Variants in AURKB observed in about 807,000 individuals in gnomAD.
The protein encoded by AURKB is aurora kinase B, also known as aurora kinase B-Sv1.
AURKB carries 28 observed loss-of-function variants against 36.5 expected under a neutral mutation model. That is an observed-to-expected ratio of 0.77 (90% CI 0.57 to 1.05). AURKB has a LOEUF of 1.05. Among genes scored for constraint, AURKB ranks in the 50% least tolerant of loss-of-function variants. The pLI is 0.00. For synonymous variants in AURKB, 175 were observed against 172.9 expected (o/e 1.01, Z -0.09); for missense variants, 383 against 447.4 (o/e 0.86, Z 1.30).
In AURKB at chr17:8,206,983, G is replaced by C; in HGVS notation, c.399-95C>G. 6.4e-7 allele frequency: 1 copy of C among 1,574,664 alleles called. No homozygotes were observed. Among genetic ancestry groups the C allele is most frequent in the African/African-American group, 1.3e-5 (1 of 74,190 alleles). On this transcript the variant is annotated intron_variant, in intron 5 of 8. Coordinates refer to ENST00000585124, the MANE Select transcript of AURKB (RefSeq NM_004217.4). This position sits in a 1 kb window ranked among gnomAD's most constrained non-coding sequence, Gnocchi z 4.2. ...CTGGGGTCAGACGTGGCCCAGGCCG[G>C]GGACACCAGGGCTGGGAGTGGTAAG... is the stretch of plus-strand genomic sequence containing the variant.
chr17:8,204,827 C>G lies in AURKB; in HGVS notation c.*44G>C. On this transcript the variant is annotated 3_prime_UTR_variant, in exon 9 of 9. Coordinates refer to ENST00000585124, the MANE Select transcript of AURKB (RefSeq NM_004217.4). ...GGATCCCTTCTTTCCCCTATACATA[C>G]ACAGACATACAAACACACGCACCCG... The G allele has an allele frequency of 6.2e-7, 1 of 1,605,916 alleles. No homozygotes were observed. Among genetic ancestry groups the G allele is most frequent in the East Asian group, 2.2e-5 (1 of 44,832 alleles).
Position 8,206,440 on chromosome 17 carries a change from G to A in AURKB, c.686+51C>T, listed in dbSNP as rs1176402239. The A allele has an allele frequency of 6.2e-7, 1 of 1,610,094 alleles. No individual in the cohort carries two copies. Among genetic ancestry groups the A allele is most frequent in the South Asian group, 1.1e-5 (1 of 90,830 alleles). ...GCCACGGTGCACGGCCCCTGGAGAG[G>A]TTTTAATGGCCCAGCCTCACACCCA... is the stretch of plus-strand genomic sequence containing the variant. On this transcript the variant is annotated intron_variant, in intron 7 of 8. Transcript: ENST00000585124. This position sits in a 1 kb window ranked among gnomAD's most constrained non-coding sequence, Gnocchi z 4.2.
rs118091510 is a variant in AURKB, at chr17:8,210,467, C to T, written c.-26+63G>A. On this transcript the variant is annotated intron_variant, in intron 1 of 8. Coordinates refer to ENST00000585124, the MANE Select transcript of AURKB (RefSeq NM_004217.4). ...TGCGCGCAGGCCAGCCCAACGGACC[C>T]TCTGATCTACCTGATCATCTGCCCA... The T allele has an allele frequency of 0.023, 12,557 of 547,484 alleles. 199 individuals carry two copies. Among genetic ancestry groups the T allele is most frequent in the Non-Finnish European group, 0.031 (9,852 of 312,920 alleles). 33.9% of individuals were successfully genotyped at this position (547,484 alleles called of 1,614,324 possible).
chr17:8,206,982 GGGGACA>G lies in AURKB; in HGVS notation c.399-100_399-95del. 6.4e-7 allele frequency: 1 copy of G among 1,567,650 alleles called. No individual in the cohort carries two copies. The highest frequency in any genetic ancestry group is 8.7e-7 in the Non-Finnish European group (1 of 1,153,858). ...ACTGGGGTCAGACGTGGCCCAGGCCGGGGACACCAGGGCTGGGAGTGGTAAGGGGAA... is the reference window on the plus strand; with the variant it reads ...ACTGGGGTCAGACGTGGCCCAGGCCGCCAGGGCTGGGAGTGGTAAGGGGAA... On this transcript the variant is annotated intron_variant, in intron 5 of 8. Transcript: ENST00000585124. The surrounding 1 kb of genome is among the most constrained non-coding windows in gnomAD (Gnocchi z 4.2).
At chr17:8,209,616 G>A (rs1985842000) in intron 2 of AURKB, among the ~76,000 whole-genome samples, 1 of 152,142 alleles carries the variant, frequency 6.6e-6, no homozygotes, top group African/African-American at 2.4e-5. Context: ...TCCAGAAATA[G>A]ACCCACATAT....
intron 2 of AURKB, 129 bp from the exon 3 acceptor site, chr17:8,207,969 C>T: frequency 1.4e-6 from 1 of 703,638 alleles, no homozygotes; most frequent in Non-Finnish European, 2.3e-6. Context: ...CAAAGAGAAA[C>T]ACTGATGTGA....
rs747993479 is a variant in AURKB, at chr17:8,206,932, G to A, written c.399-44C>T. The A allele has an allele frequency of 6.2e-6, 10 of 1,613,084 alleles. No individual in the cohort carries two copies. In the Admixed American group the frequency reaches 1.2e-4, roughly 19 times the overall value. On this transcript the variant is annotated intron_variant, in intron 5 of 8. Transcript: ENST00000585124. The surrounding 1 kb of genome is among the most constrained non-coding windows in gnomAD (Gnocchi z 4.2). ...GAGGCCTCAGGCCAAAGGCATAAAAGAGCTGGAAAAGATGATAGGAGCAAA... is the reference window on the plus strand; with the variant it reads ...GAGGCCTCAGGCCAAAGGCATAAAAAAGCTGGAAAAGATGATAGGAGCAAA...
chr17:8,207,107 G>C, intron 5 of AURKB, 69 bp downstream of exon 5: 1 of 1,543,142 alleles, frequency 6.5e-7, no homozygotes, highest in Non-Finnish European at 8.8e-7. Flanking sequence ...TCTGGATGAA[G>C]TGGGGCTGAA....
At position 8,207,450 on chromosome 17, in the gene AURKB, C is replaced by A. The variant is rs1985480981; in HGVS notation, c.207-83G>T. 29 of 1,556,480 alleles carry A rather than the reference C, an allele frequency of 1.9e-5. No homozygotes were observed. In the South Asian group the frequency reaches 3.3e-4, roughly 18 times the overall value. ...CTTTCTCTCTGCTTCCTCATCCCATCCTGTCCTCCGCCCCACTTGTCTTCA... is the reference window on the plus strand; with the variant it reads ...CTTTCTCTCTGCTTCCTCATCCCATACTGTCCTCCGCCCCACTTGTCTTCA... On this transcript the variant is annotated intron_variant, in intron 4 of 8. Transcript: ENST00000585124.
chr17:8,207,225 C>T lies in AURKB; in HGVS notation c.349G>A (p.Gly117Ser), dbSNP rs765462146. Residue 117 changes from glycine to serine, a missense_variant, in exon 5 of 9, where the codon GGC becomes AGC. Physicochemically the swap from Gly to Ser is moderately conservative, Grantham distance 56. Around this residue, in one of 3 missense-constraint regions of AURKB, gnomAD observed 59 missense variants for 99.0 expected, o/e 0.60. Coordinates refer to ENST00000585124, the MANE Select transcript of AURKB (RefSeq NM_004217.4). ...TCTCTGCGCAGCTGATGCTCCACGC[C>T]CTCCTTCTCTATCTGGGACTTGAAG... ...VLFKSQIEKEGVEHQLRREIE... is the reference protein window; with the variant it reads ...VLFKSQIEKESVEHQLRREIE... 2 of 1,614,166 alleles carry T rather than the reference C, an allele frequency of 1.2e-6. No individual in the cohort carries two copies. Among genetic ancestry groups the T allele is most frequent in the Non-Finnish European group, 1.7e-6 (2 of 1,180,034 alleles).
rs1597342220 is a variant in AURKB at position 8,204,798 on chromosome 17, T to C, written c.*73A>G. 1 of 1,562,728 alleles carries C rather than the reference T, an allele frequency of 6.4e-7. No individual in the cohort carries two copies. The highest frequency in any genetic ancestry group is 2.3e-5 in the East Asian group (1 of 44,308). ...AGGTAGAAAACAGATAAGGGAACAGTTAGGGATCCCTTCTTTCCCCTATAC... is the reference window on the plus strand; with the variant it reads ...AGGTAGAAAACAGATAAGGGAACAGCTAGGGATCCCTTCTTTCCCCTATAC... On this transcript the variant is annotated 3_prime_UTR_variant, in exon 9 of 9. Coordinates refer to ENST00000585124, the MANE Select transcript of AURKB (RefSeq NM_004217.4).
At chr17:8,210,312 G>T in intron 1 of AURKB, 63 bp from the exon 2 acceptor site, 1 of 1,223,596 alleles carries the variant, frequency 8.2e-7, no homozygotes, top group South Asian at 1.3e-5. Flanking sequence ...GGAGGGGTTG[G>T]ACCGATCGAG....
Position 8,205,234 on chromosome 17 carries a change from G to A in AURKB, c.843C>T (p.Thr281=), listed in dbSNP as rs1276505385. The change falls in exon 8 of 9, where the codon ACC becomes ACT. Residue 281 remains threonine, a synonymous_variant. Transcript: ENST00000585124. ...CTCCCACCTTGACGATGCGGCGATA[G>A]GTCTCGTTGTGTGATGCACTCTCAA... ...PPFESASHNE[T]YRRIVKVDLK... 6.2e-7 allele frequency: 1 copy of A among 1,613,538 alleles called. No individual in the cohort carries two copies. The highest frequency in any genetic ancestry group is 8.5e-7 in the Non-Finnish European group (1 of 1,179,724).
intron 2 of AURKB, among the ~76,000 whole-genome samples, chr17:8,209,363 T>A (rs1985816620): frequency 2.0e-5 from 3 of 152,114 alleles, no homozygotes; most frequent in Non-Finnish European, 2.9e-5. Flanking sequence ...GTGACTAAGG[T>A]AAAAGTGACA....
In AURKB at chr17:8,206,225, G is replaced by A. The variant is rs1374527872; in HGVS notation, c.686+266C>T. Reference sequence around the variant, plus strand: ...GGCTCACTGCAACCTCCGCCTCCCAGGTTCAAACAATTCTCCTGCCTCAGC... The same window carrying A: ...GGCTCACTGCAACCTCCGCCTCCCAAGTTCAAACAATTCTCCTGCCTCAGC... On this transcript the variant is annotated intron_variant, in intron 7 of 8. Coordinates refer to ENST00000585124, the MANE Select transcript of AURKB (RefSeq NM_004217.4). This position sits in a 1 kb window ranked among gnomAD's most constrained non-coding sequence, Gnocchi z 4.2. Among the ~76,000 whole-genome samples the A allele has an allele frequency of 4.0e-5, 6 of 151,042 alleles. No homozygotes were observed. The highest frequency in any genetic ancestry group is 1.5e-4 in the African/African-American group (6 of 41,070).
At chr17:8,208,424 CAAAAAAA>C (rs749243188) in intron 2 of AURKB, among the ~76,000 whole-genome samples, 1 of 124,146 alleles carries the variant, frequency 8.1e-6, no homozygotes, top group African/African-American at 3.0e-5. Flanking sequence ...GACTCCATCT[CAAAAAAA>C]AAAAAAAAAA....
chr17:8,205,775 T>C (rs1240605157), intron 7 of AURKB, among the ~76,000 whole-genome samples: 2 of 152,252 alleles, frequency 1.3e-5, no homozygotes, highest in South Asian at 4.1e-4. Flanking sequence ...GCTCCGGGCT[T>C]TTTTTGAGAG....
intron 2 of AURKB, 159 bp downstream of exon 2, chr17:8,210,018 G>T: frequency 1.1e-6 from 1 of 933,328 alleles, no homozygotes; most frequent in South Asian, 1.5e-5. Flanking sequence ...GGCTACAAAT[G>T]ACCAGAGCGG....
rs907324253 is a variant in AURKB, at chr17:8,208,808, G to A, written c.49-968C>T. ...AGCCCCTCACTTACACCACAGTAGA[G>A]AGCTGCGTCAATGAACACCCACAAT... On this transcript the variant is annotated intron_variant, in intron 2 of 8. Coordinates refer to ENST00000585124, the MANE Select transcript of AURKB (RefSeq NM_004217.4). 4.6e-5 allele frequency among the ~76,000 whole-genome samples: 7 copies of A among 152,042 alleles called. No individual in the cohort carries two copies. The East Asian group carries it at 1.4e-3, about 29-fold the overall frequency.
Sources: gnomAD v4.1 joint callset for allele counts (sites outside exome capture counted in the v4.1 genomes callset) on GRCh38, gnomAD v4.1.1 for gene constraint, gnomAD v4.1.1 regional missense constraint, Gnocchi (gnomAD v3.1) non-coding constraint, MANE v1.5 for transcripts, NCBI Gene and HGNC (gene_info 2026-07-23, HGNC 2026-07-21) for gene names.